The following GAS2 variants were observed in gnomAD, a reference collection of about 807,000 sequenced individuals.
GAS2 encodes the protein growth arrest-specific protein 2.
Under a neutral mutation model 37.5 loss-of-function variants are expected in GAS2, and 20 were observed. The ratio of observed to expected loss-of-function variants is 0.53; its 90% CI spans 0.37 to 0.77. GAS2 has a LOEUF of 0.77. Ranked by LOEUF, GAS2 falls within the 30% of genes least tolerant of loss-of-function variation. GAS2 has a pLI of 0.00. For synonymous variants in GAS2, 144 were observed against 132.2 expected (o/e 1.09, Z -0.61); for missense variants, 336 against 373.4 (o/e 0.90, Z 0.82).
At chr11:22,652,885 C>T (rs973009287) in intron 1 of GAS2, among the ~76,000 whole-genome samples, 11 of 152,210 alleles carry the variant, frequency 7.2e-5, no homozygotes, top group African/African-American at 2.2e-4. Context: ...CCGTCTTCTG[C>T]GTCGCTCACG....
intron 3 of GAS2, among the ~76,000 whole-genome samples, chr11:22,688,713 T>C (rs1451384126): frequency 1.3e-5 from 2 of 152,202 alleles, no homozygotes; most frequent in African/African-American, 4.8e-5. Flanking sequence ...AATTTTTAAC[T>C]GAATATAAAG....
intron 7 of GAS2, among the ~76,000 whole-genome samples, chr11:22,799,564 T>G (rs1000383609): frequency 6.6e-6 from 1 of 152,070 alleles, no homozygotes; most frequent in Admixed American, 6.6e-5. Context: ...ATAGCTTCAA[T>G]TTTTGACCCA....
At chr11:22,790,021 C>A (rs1419338442) in intron 7 of GAS2, among the ~76,000 whole-genome samples, 2 of 152,160 alleles carry the variant, frequency 1.3e-5, no homozygotes, top group African/African-American at 4.8e-5. Flanking sequence ...AGCACATTTT[C>A]CTTCTGTCTC....
intron 3 of GAS2, among the ~76,000 whole-genome samples, chr11:22,717,675 G>T (rs942876509): frequency 1.4e-4 from 22 of 151,888 alleles, no homozygotes; most frequent in African/African-American, 5.1e-4. Flanking sequence ...AATCACCAGA[G>T]TAAACAGACA....
intron 1 of GAS2, among the ~76,000 whole-genome samples, chr11:22,630,405 C>G (rs1193428288): frequency 6.6e-6 from 1 of 152,124 alleles, no homozygotes; most frequent in Non-Finnish European, 1.5e-5. Context: ...AACTTCATGT[C>G]TAAAACACCA....
intron 6 of GAS2, among the ~76,000 whole-genome samples, chr11:22,752,245 T>C (rs1388785193): frequency 6.6e-6 from 1 of 152,036 alleles, no homozygotes; most frequent in African/African-American, 2.4e-5. Context: ...AGATCTTGTT[T>C]AACCTGGAAT....
At chr11:22,801,914 A>G (rs1280123647) in intron 7 of GAS2, among the ~76,000 whole-genome samples, 1 of 152,096 alleles carries the variant, frequency 6.6e-6, no homozygotes, top group Non-Finnish European at 1.5e-5. Flanking sequence ...TTTCTAATTA[A>G]AACACATAAT....
intron 1 of GAS2, among the ~76,000 whole-genome samples, chr11:22,655,471 A>C (rs2133838917): frequency 6.6e-6 from 1 of 152,328 alleles, no homozygotes; most frequent in African/African-American, 2.4e-5. Flanking sequence ...CATTCCAAAA[A>C]CATTATCAGA....
intron 3 of GAS2, among the ~76,000 whole-genome samples, chr11:22,717,992 A>G (rs1020203206): frequency 2.0e-5 from 3 of 152,118 alleles, no homozygotes; most frequent in Non-Finnish European, 4.4e-5. Context: ...GCTATGGTAA[A>G]AAAAGGAACA....
intron 3 of GAS2, among the ~76,000 whole-genome samples, chr11:22,724,018 A>G (rs1852071824): frequency 2.0e-5 from 3 of 151,882 alleles, no homozygotes; most frequent in Admixed American, 2.0e-4. Context: ...CCTCAAGGGC[A>G]ATTACTATCA....
At chr11:22,732,820 C>T (rs1415438690) in intron 4 of GAS2, among the ~76,000 whole-genome samples, 1 of 151,076 alleles carries the variant, frequency 6.6e-6, no homozygotes, top group African/African-American at 2.4e-5. Context: ...ATCACCACCA[C>T]CATTGCTATC....
intron 7 of GAS2, among the ~76,000 whole-genome samples, chr11:22,804,305 G>T (rs956911995): frequency 1.3e-5 from 2 of 152,154 alleles, no homozygotes; most frequent in Admixed American, 6.6e-5. Context: ...AGAACAATGA[G>T]ATAGGTAGCA....
At chr11:22,798,421 T>A (rs1262513166) in intron 7 of GAS2, among the ~76,000 whole-genome samples, 1 of 152,020 alleles carries the variant, frequency 6.6e-6, no homozygotes, top group Admixed American at 6.6e-5. Flanking sequence ...AAGAAATTTA[T>A]TCTGGTCATA....
chr11:22,743,231 G>T (rs1399648970), intron 5 of GAS2, among the ~76,000 whole-genome samples: 3 of 152,016 alleles, frequency 2.0e-5, no homozygotes, highest in African/African-American at 7.2e-5. Context: ...TTTTGGTAAA[G>T]AATATAATAA....
At chr11:22,768,987 G>T (rs1290416849) in intron 7 of GAS2, among the ~76,000 whole-genome samples, 1 of 152,140 alleles carries the variant, frequency 6.6e-6, no homozygotes, top group African/African-American at 2.4e-5. Flanking sequence ...ATGTTACTCA[G>T]TCCTGGACTC....
rs140005530 is a variant in GAS2 at position 22,719,305 on chromosome 11, T to C, written c.268-6987T>C. ...ACTGAAACTGTACCCTTGACTAACATCTCCCAAGCCCTCAACCCCTTTCTC... is the reference window on the plus strand; with the variant it reads ...ACTGAAACTGTACCCTTGACTAACACCTCCCAAGCCCTCAACCCCTTTCTC... On this transcript the variant is annotated intron_variant, in intron 3 of 7. Transcript: ENST00000454584. Among the ~76,000 whole-genome samples the C allele has an allele frequency of 3.2e-3, 486 of 152,166 alleles. 4 individuals are homozygous for C. The highest frequency in any genetic ancestry group is 0.011 in the African/African-American group (472 of 41,528).
chr11:22,645,815 A>G (rs529687038), intron 1 of GAS2, among the ~76,000 whole-genome samples: 1 of 146,824 alleles, frequency 6.8e-6, no homozygotes, highest in East Asian at 2.0e-4. Flanking sequence ...AAAAAGCAGT[A>G]TTTGTTTTCT....
At chr11:22,664,871 T>G (rs746035894), upstream of GAS2, among the ~76,000 whole-genome samples, 1 of 152,120 alleles carries the variant, frequency 6.6e-6, no homozygotes, top group Non-Finnish European at 1.5e-5. Context: ...ACTTCTCTTT[T>G]GTCACCAAAA....
At chr11:22,786,259 A>T (rs183219782) in intron 7 of GAS2, among the ~76,000 whole-genome samples, 2 of 152,182 alleles carry the variant, frequency 1.3e-5, no homozygotes, top group Non-Finnish European at 2.9e-5. Flanking sequence ...AATGAACTTC[A>T]TCCGAGCTGT....
Sources: gnomAD v4.1 joint callset for allele counts (sites outside exome capture counted in the v4.1 genomes callset) on GRCh38, gnomAD v4.1.1 for gene constraint, MANE v1.5 for transcripts, NCBI Gene and HGNC (gene_info 2026-07-23, HGNC 2026-07-21) for gene names.